PGPEP1L: variants seen among roughly 807,000 people sequenced by gnomAD.
PGPEP1L encodes the protein pyroglutamyl-peptidase I like, also known as pyroglutamyl-peptidase 1-like protein.
Under a neutral mutation model 6.0 loss-of-function variants are expected in PGPEP1L, and 7 were observed. The observed-to-expected ratio is 1.17, with a 90% CI of 0.66 to 2.19. The LOEUF (loss-of-function observed/expected upper bound fraction) is 2.19. Ranked by LOEUF, PGPEP1L falls within the 30% of genes most tolerant of loss-of-function variation. The pLI is 0.00. For missense variants in PGPEP1L, 209 were observed against 192.5 expected (o/e 1.09, Z -0.51); for synonymous variants, 103 against 83.9 (o/e 1.23, Z -1.24).
At chr15:99,007,306 G>C (rs1298098038) in intron 1 of PGPEP1L, 53 bp downstream of exon 1, 1 of 152,290 alleles carries the variant, frequency 6.6e-6, no homozygotes, top group African/African-American at 2.4e-5. Flanking sequence ...TGCACTTGTA[G>C]ACTTGGTCTC....
chr15:98,973,280 C>T (rs2017524973), intron 2 of PGPEP1L, among the ~76,000 whole-genome samples: 1 of 152,300 alleles, frequency 6.6e-6, no homozygotes, highest in Non-Finnish European at 1.5e-5. Context: ...TTTGATACTC[C>T]ACTTTCAGCA....
chr15:98,971,545 CCAA>C (rs1248935406), intron 2 of PGPEP1L, among the ~76,000 whole-genome samples: 10 of 152,104 alleles, frequency 6.6e-5, no homozygotes, highest in South Asian at 6.2e-4. Context: ...AAAAAACCCA[CCAA>C]CAACAATACT....
intron 2 of PGPEP1L, among the ~76,000 whole-genome samples, chr15:98,973,706 T>C (rs1374913091): frequency 1.3e-5 from 2 of 152,058 alleles, no homozygotes; most frequent in Admixed American, 1.3e-4. Context: ...CAGCAAAAAC[T>C]GTTCTAAGAG....
chr15:99,007,208 G>A (rs1302662263), intron 1 of PGPEP1L, among the ~76,000 whole-genome samples, 151 bp downstream of exon 1: 1 of 152,062 alleles, frequency 6.6e-6, no homozygotes, highest in Non-Finnish European at 1.5e-5. Context: ...TGAGAAGCTG[G>A]GCCCACCTTG....
chr15:98,993,401 C>G (rs1555472239), intron 2 of PGPEP1L, among the ~76,000 whole-genome samples: 1 of 152,190 alleles, frequency 6.6e-6, no homozygotes. Context: ...AATGAGATAT[C>G]ATCTCATGCC....
intron 2 of PGPEP1L, among the ~76,000 whole-genome samples, chr15:98,978,037 G>C (rs1214251043): frequency 1.3e-5 from 2 of 152,208 alleles, no homozygotes; most frequent in Non-Finnish European, 1.5e-5. Context: ...GAGCCCAGCA[G>C]GCTGTTGGCT....
At position 98,968,620 on chromosome 15, in the gene PGPEP1L, A is replaced by G; in HGVS notation, c.287T>C (p.Leu96Pro). The change falls in exon 5 of 5, where the codon CTA becomes CCA. Residue 96 changes from leucine to proline, a missense_variant. Leu to Pro is a moderately conservative substitution (Grantham distance 98). Transcript: ENST00000535714. ...GCAALIHVPP[L>P]SRGLPASLLG... ...CAGGCTGGCCGGGAGCCCGCGCGAT[A>G]GTGGAGGGACATGGATGAGTGCCGC... 1 of 1,605,056 alleles carries G rather than the reference A, an allele frequency of 6.2e-7. No homozygotes were observed. Among genetic ancestry groups the G allele is most frequent in the Non-Finnish European group, 8.5e-7 (1 of 1,175,616 alleles).
rs192741715 is a variant in PGPEP1L, at chr15:98,974,852, G to T, written c.-141-3694C>A. Among the ~76,000 whole-genome samples, 788 of 152,140 alleles carry T rather than the reference G, an allele frequency of 5.2e-3. 1 individual carries two copies. The highest frequency in any genetic ancestry group is 8.2e-3 in the Non-Finnish European group (555 of 68,004). ...GCGGAGGCTGCAGTGAGCCAAAATC[G>T]CACCACTTCATTCCAGCCTGGGCAA... On this transcript the variant is annotated intron_variant, in intron 2 of 4. Coordinates refer to ENST00000535714, the MANE Select transcript of PGPEP1L (RefSeq NM_001167902.2).
At chr15:98,983,473 T>G (rs2017698715) in intron 2 of PGPEP1L, among the ~76,000 whole-genome samples, 1 of 152,214 alleles carries the variant, frequency 6.6e-6, no homozygotes, top group Admixed American at 6.5e-5. Context: ...TTACGTAATG[T>G]CTTGGCCCAA....
Position 98,995,476 on chromosome 15 carries a change from T to A in PGPEP1L, c.-142+9953A>T, listed in dbSNP as rs533353443. ...ACTTTGGGAGGCCAAGGTGGGCAGA[T>A]CACCTGAGGTCAGGAGTTCGAGACC... On this transcript the variant is annotated intron_variant, in intron 2 of 4. Transcript: ENST00000535714. 2.4e-4 allele frequency among the ~76,000 whole-genome samples: 36 copies of A among 152,304 alleles called. 1 individual carries two copies. In the South Asian group the frequency reaches 7.5e-3, roughly 32 times the overall value.
intron 2 of PGPEP1L, among the ~76,000 whole-genome samples, chr15:98,981,217 G>A (rs1002732842): frequency 2.0e-5 from 3 of 152,104 alleles, no homozygotes; most frequent in South Asian, 2.1e-4. Context: ...GTCTGGCCGG[G>A]CGCGGTGGCT....
intron 3 of PGPEP1L, 102 bp downstream of exon 3, chr15:98,970,934 G>C (rs1406160134): frequency 6.6e-7 from 1 of 1,518,834 alleles, no homozygotes; most frequent in Non-Finnish European, 8.9e-7. Flanking sequence ...CTGGGGACGG[G>C]GTGCCCCTCA....
chr15:99,001,197 C>T (rs908535360), intron 2 of PGPEP1L: 13 of 427,750 alleles, frequency 3.0e-5, no homozygotes, highest in Non-Finnish European at 5.1e-5. Context: ...CACGAGAGTC[C>T]GCGGCTTCAT....
chr15:99,007,065 C>T (rs1427212279), intron 1 of PGPEP1L, among the ~76,000 whole-genome samples: 1 of 152,128 alleles, frequency 6.6e-6, no homozygotes, highest in Non-Finnish European at 1.5e-5. Context: ...GATTAGACCC[C>T]CCTTGGTGGC....
At chr15:98,986,393 A>G (rs1555471499) in intron 2 of PGPEP1L, among the ~76,000 whole-genome samples, 1 of 152,236 alleles carries the variant, frequency 6.6e-6, no homozygotes, top group Non-Finnish European at 1.5e-5. Flanking sequence ...AGTCATGTCT[A>G]CATAAGGAAT....
At chr15:98,978,666 GC>G (rs1301034099) in intron 2 of PGPEP1L, among the ~76,000 whole-genome samples, 1 of 149,352 alleles carries the variant, frequency 6.7e-6, no homozygotes, top group East Asian at 2.0e-4. Context: ...GATTTCCAGG[GC>G]CCCACTTATT....
chr15:99,000,680 C>A (rs1237447209), intron 2 of PGPEP1L, among the ~76,000 whole-genome samples: 4 of 152,122 alleles, frequency 2.6e-5, no homozygotes, highest in African/African-American at 9.7e-5. Context: ...TCTAACTAAT[C>A]TAGTGGGGAA....
chr15:98,971,601 G>T lies in PGPEP1L; in HGVS notation c.-141-443C>A, dbSNP rs2017498802. Among the ~76,000 whole-genome samples, 3 of 152,224 alleles carry T rather than the reference G, an allele frequency of 2.0e-5. No individual in the cohort carries two copies. The South Asian group carries it at 6.2e-4, about 32-fold the overall frequency. On this transcript the variant is annotated intron_variant, in intron 2 of 4. Coordinates refer to ENST00000535714, the MANE Select transcript of PGPEP1L (RefSeq NM_001167902.2). ...CCTTCAAACATGAAGAAGAAATAAA[G>T]ACTTTCCCAAACAAAAGCTGAGGAA...
intron 2 of PGPEP1L, among the ~76,000 whole-genome samples, chr15:98,983,747 C>T (rs569254094): frequency 3.3e-5 from 5 of 152,276 alleles, no homozygotes; most frequent in Non-Finnish European, 7.4e-5. Context: ...AGCATTAAGT[C>T]GCTTTTCTGG....
Sources: gnomAD v4.1 joint callset for allele counts (sites outside exome capture counted in the v4.1 genomes callset) on GRCh38, gnomAD v4.1.1 for gene constraint, MANE v1.5 for transcripts, NCBI Gene and HGNC (gene_info 2026-07-23, HGNC 2026-07-21) for gene names.